Variants in MFSD6 observed in about 807,000 individuals in gnomAD.
MFSD6 encodes major facilitator superfamily domain containing 6.
A neutral mutation model predicts 56.3 loss-of-function variants in MFSD6; 26 were observed. The ratio of observed to expected loss-of-function variants is 0.46; its 90% CI spans 0.34 to 0.64. The LOEUF (loss-of-function observed/expected upper bound fraction) is 0.64, where lower values mean the gene tolerates loss of function less well. Among genes scored for constraint, MFSD6 ranks in the 30% least tolerant of loss-of-function variants. The pLI is 0.01. For missense variants in MFSD6, 750 were observed against 986.2 expected (o/e 0.76, Z 3.21); for synonymous variants, 331 against 366.9 (o/e 0.90, Z 1.12).
rs921868734 is a variant in MFSD6, at chr2:190,451,672, A to C, written c.1532+14111A>C. ...ACTTTCCCTGAGGAAGTGGCATTTGAGCAGAGTCCTGAATGGAAGCCCCCA... is the reference window on the plus strand; with the variant it reads ...ACTTTCCCTGAGGAAGTGGCATTTGCGCAGAGTCCTGAATGGAAGCCCCCA... On this transcript the variant is annotated intron_variant, in intron 3 of 7. Transcript: ENST00000392328. This position sits in a 1 kb window ranked among gnomAD's most constrained non-coding sequence, Gnocchi z 5.0. Among the ~76,000 whole-genome samples the C allele has an allele frequency of 6.6e-6, 1 of 152,230 alleles. No individual in the cohort carries two copies. The highest frequency in any genetic ancestry group is 1.5e-5 in the Non-Finnish European group (1 of 68,040).
chr2:190,480,757 T>TA (rs1428250254), intron 4 of MFSD6, among the ~76,000 whole-genome samples: 2 of 152,242 alleles, frequency 1.3e-5, no homozygotes, highest in Admixed American at 6.5e-5. Context: ...TCTTGAGTTA[T>TA]AGGAGAGGTT....
In MFSD6 at chr2:190,437,049, G is replaced by A; in HGVS notation, c.1020G>A (p.Leu340=). Residue 340 remains leucine (L), a synonymous_variant, in exon 3 of 8, where the codon CTG becomes CTA. Coordinates refer to ENST00000392328, the MANE Select transcript of MFSD6 (RefSeq NM_017694.4). This position sits in a 1 kb window ranked among gnomAD's most constrained non-coding sequence, Gnocchi z 5.9. ...CCCTGGGCTGGGGCCTGGCGATGCT[G>A]TCTGTGGGCATCGGGATCGACTACA... is the stretch of plus-strand genomic sequence containing the variant. ...WGSLGWGLAM[L]SVGIGIDYTH... The A allele has an allele frequency of 1.2e-6, 2 of 1,614,230 alleles. No individual in the cohort carries two copies. The highest frequency in any genetic ancestry group is 8.5e-7 in the Non-Finnish European group (1 of 1,180,048).
rs951121358 is a variant in MFSD6, at chr2:190,487,238, G to A, written c.1631-1419G>A. Among the ~76,000 whole-genome samples the A allele has an allele frequency of 6.6e-6, 1 of 152,200 alleles. No individual in the cohort carries two copies. ...CACTTGTAGTCCCAGCTACTTGGGA[G>A]GCTGAAGCAGGAGGATCGCTTGAAC... On this transcript the variant is annotated intron_variant, in intron 4 of 7. Transcript: ENST00000392328. The surrounding 1 kb of genome is among the most constrained non-coding windows in gnomAD (Gnocchi z 5.5).
intron 4 of MFSD6, among the ~76,000 whole-genome samples, chr2:190,486,806 G>A (rs893748403): frequency 1.3e-5 from 2 of 152,194 alleles, no homozygotes; most frequent in African/African-American, 4.8e-5. Context: ...TCAGGGGATG[G>A]AACCAGATGA....
At chr2:190,453,468 C>A (rs1030656657) in intron 3 of MFSD6, among the ~76,000 whole-genome samples, 15 of 152,130 alleles carry the variant, frequency 9.9e-5, no homozygotes, top group Non-Finnish European at 1.5e-5. Flanking sequence ...CTCTCTATTC[C>A]CCTTTCTTAT....
At position 190,437,284 on chromosome 2, in the gene MFSD6, T is replaced by G; in HGVS notation, c.1255T>G (p.Ser419Ala). 6.2e-7 allele frequency: 1 copy of G among 1,614,108 alleles called. No individual in the cohort carries two copies. The highest frequency in any genetic ancestry group is 1.1e-5 in the South Asian group (1 of 91,076). ...GGTGGAAAGGAACAACTCTACAGAGTCCTCTGAGGAGACACCAACCACCAC... is the reference window on the plus strand; with the variant it reads ...GGTGGAAAGGAACAACTCTACAGAGGCCTCTGAGGAGACACCAACCACCAC... The part of the protein sequence containing the change: ...PQVERNNSTE[S>A]SEETPTTTSH... The change falls in exon 3 of 8, where the codon TCC becomes GCC. Residue 419 changes from serine (S) to alanine (A), a missense_variant. Around this residue, in one of 5 missense-constraint regions of MFSD6, gnomAD observed 376 missense variants for 437.9 expected, o/e 0.86. Coordinates refer to ENST00000392328, the MANE Select transcript of MFSD6 (RefSeq NM_017694.4). The surrounding 1 kb of genome is among the most constrained non-coding windows in gnomAD (Gnocchi z 5.9).
At position 190,432,443 on chromosome 2, in the gene MFSD6, C is replaced by G. The variant is rs959605673; in HGVS notation, c.-53-3534C>G. Among the ~76,000 whole-genome samples the G allele has an allele frequency of 3.3e-5, 5 of 152,162 alleles. 1 individual carries two copies. The highest frequency in any genetic ancestry group is 3.3e-4 in the Admixed American group (5 of 15,268). Reference sequence around the variant, plus strand: ...TTGTTTTTGTTTTTTGAGACAGAGTCTTGCTCCGTCACCCAGGCTGGAGAA... The same window carrying G: ...TTGTTTTTGTTTTTTGAGACAGAGTGTTGCTCCGTCACCCAGGCTGGAGAA... On this transcript the variant is annotated intron_variant, in intron 2 of 7. Coordinates refer to ENST00000392328, the MANE Select transcript of MFSD6 (RefSeq NM_017694.4).
At chr2:190,475,853 CCAAAACAGAGATATAGACCAATGGAA>C (rs1688274666) in intron 4 of MFSD6, among the ~76,000 whole-genome samples, 1 of 152,008 alleles carries the variant, frequency 6.6e-6, no homozygotes, top group African/African-American at 2.4e-5. Context: ...GGTACTGGTA[CCAAAACAGAGATATAGACCAATGGAA>C]CAGAACAGAG....
rs147086492 is a variant in MFSD6, at chr2:190,469,867, G to A, written c.1630+12G>A. ...GGAAGTTCTTCAAGGTAAGTTAACAGCTGGGATTGAAATTATTTCTCTGCC... is the reference window on the plus strand; with the variant it reads ...GGAAGTTCTTCAAGGTAAGTTAACAACTGGGATTGAAATTATTTCTCTGCC... On this transcript the variant is annotated intron_variant, in intron 4 of 7. Coordinates refer to ENST00000392328, the MANE Select transcript of MFSD6 (RefSeq NM_017694.4). This position sits in a 1 kb window ranked among gnomAD's most constrained non-coding sequence, Gnocchi z 5.3. 3.8e-6 allele frequency: 6 copies of A among 1,561,812 alleles called. No homozygotes were observed. In the African/African-American group the frequency reaches 6.8e-5, roughly 18 times the overall value.
At position 190,412,342 on chromosome 2, in the gene MFSD6, T is replaced by A; in HGVS notation, c.-175-2950T>A. Reference sequence around the variant, plus strand: ...TTACAGAAGAGATATTCTCACAATTTTAGGTATTATCCAACATTTCATTTT... The same window carrying A: ...TTACAGAAGAGATATTCTCACAATTATAGGTATTATCCAACATTTCATTTT... On this transcript the variant is annotated intron_variant, in intron 1 of 7. Transcript: ENST00000392328. This position sits in a 1 kb window ranked among gnomAD's most constrained non-coding sequence, Gnocchi z 4.1. 1 of 984,244 alleles carries A rather than the reference T, an allele frequency of 1.0e-6. No homozygotes were observed. The highest frequency in any genetic ancestry group is 1.2e-6 in the Non-Finnish European group (1 of 828,876). The allele number at this position is 984,244 out of a possible 1,614,324, so 61.0% of individuals were successfully genotyped here.
chr2:190,480,069 G>A (rs1688572829), intron 4 of MFSD6, among the ~76,000 whole-genome samples: 1 of 152,176 alleles, frequency 6.6e-6, no homozygotes, highest in African/African-American at 2.4e-5. Context: ...AGGCTCAGGT[G>A]GAAGGATTGC....
At chr2:190,442,664 C>T (rs1233424577) in intron 3 of MFSD6, 7 of 152,148 alleles carry the variant, frequency 4.6e-5, no homozygotes, top group Non-Finnish European at 7.4e-5. Flanking sequence ...GAGACCCCTA[C>T]ATTTCCAGCT....
At chr2:190,430,383 T>G (rs2125029387) in intron 2 of MFSD6, among the ~76,000 whole-genome samples, 1 of 151,118 alleles carries the variant, frequency 6.6e-6, no homozygotes, top group African/African-American at 2.4e-5. Flanking sequence ...CCTGGGTACT[T>G]GAGATTAGGG....
rs1199250409 is a variant in MFSD6 at position 190,471,606 on chromosome 2, T to A, written c.1630+1751T>A. ...AAAGCAGCGGCTGGGAAGCTTGAAC[T>A]GGGTGGAGCCCACCACAGCTCAAGG... On this transcript the variant is annotated intron_variant, in intron 4 of 7. Transcript: ENST00000392328. This position sits in a 1 kb window ranked among gnomAD's most constrained non-coding sequence, Gnocchi z 4.7. Among the ~76,000 whole-genome samples the A allele has an allele frequency of 6.6e-6, 1 of 152,186 alleles. No individual in the cohort carries two copies. Among genetic ancestry groups the A allele is most frequent in the Non-Finnish European group, 1.5e-5 (1 of 68,022 alleles).
In MFSD6 at chr2:190,497,447, A is replaced by G. The variant is rs746308947; in HGVS notation, c.1900A>G (p.Met634Val). The G allele has an allele frequency of 1.2e-6, 2 of 1,613,510 alleles. No individual in the cohort carries two copies. The highest frequency in any genetic ancestry group is 1.7e-5 in the Admixed American group (1 of 60,004). ...AVPDEEEDKTMLAERIPVPSS... is the reference protein window; with the variant it reads ...AVPDEEEDKTVLAERIPVPSS... ...CATTCTTTTCTCTCCAGACAAGACA[A>G]TGTTGGCAGAAAGAATTCCTGTTCC... Residue 634 changes from methionine (M) to valine (V), a missense_variant, in exon 7 of 8, where the codon ATG (methionine) becomes GTG (valine). Around this residue, in one of 5 missense-constraint regions of MFSD6, gnomAD observed 172 missense variants for 203.9 expected, o/e 0.84. Transcript: ENST00000392328. The surrounding 1 kb of genome is among the most constrained non-coding windows in gnomAD (Gnocchi z 5.2).
rs1231612796 is a variant in MFSD6, at chr2:190,492,034, CAGA to C, written c.1891+2170_1891+2172del. On this transcript the variant is annotated intron_variant, in intron 6 of 7. Coordinates refer to ENST00000392328, the MANE Select transcript of MFSD6 (RefSeq NM_017694.4). This position sits in a 1 kb window ranked among gnomAD's most constrained non-coding sequence, Gnocchi z 5.2. ...AAAATGTTCTGGAAAGTCTCAGCAA[CAGA>C]ATCGAAGAAGCAGAAGAAAGAACTT... Among the ~76,000 whole-genome samples the C allele has an allele frequency of 1.3e-5, 2 of 152,158 alleles. No homozygotes were observed. Among genetic ancestry groups the C allele is most frequent in the African/African-American group, 4.8e-5 (2 of 41,440 alleles).
intron 4 of MFSD6, among the ~76,000 whole-genome samples, chr2:190,478,921 A>G (rs1688501874): frequency 6.6e-6 from 1 of 152,070 alleles, no homozygotes; most frequent in South Asian, 2.1e-4. Flanking sequence ...ACTGTCTAGT[A>G]CTATCTAGAG....
At chr2:190,445,109 T>C (rs545060092) in intron 3 of MFSD6, among the ~76,000 whole-genome samples, 4 of 152,180 alleles carry the variant, frequency 2.6e-5, no homozygotes, top group Non-Finnish European at 4.4e-5. Context: ...TTGTGCTCCT[T>C]ATTTAACTGG....
chr2:190,440,490 T>C (rs1375081052), intron 3 of MFSD6, among the ~76,000 whole-genome samples: 1 of 152,270 alleles, frequency 6.6e-6, no homozygotes, highest in African/African-American at 2.4e-5. Flanking sequence ...TTTTAGGCTA[T>C]AAATGATTAA....
Sources: allele counts gnomAD v4.1 joint callset (sites outside exome capture counted in the v4.1 genomes callset), GRCh38; gene constraint gnomAD v4.1.1; regional missense constraint gnomAD v4.1.1; non-coding constraint Gnocchi (gnomAD v3.1); transcripts MANE v1.5; gene names NCBI Gene and HGNC (gene_info 2026-07-23, HGNC 2026-07-21).